The following AUH variants were observed in gnomAD, a reference collection of about 807,000 sequenced individuals.
AUH encodes the protein methylglutaconyl-CoA hydratase, mitochondrial.
A neutral mutation model predicts 42.3 loss-of-function variants in AUH; 29 were observed. The observed-to-expected ratio is 0.69, with a 90% confidence interval of 0.51 to 0.93. The LOEUF (loss-of-function observed/expected upper bound fraction) is 0.93, where lower values mean the gene tolerates loss of function less well. Among genes scored for constraint, AUH ranks in the 40% least tolerant of loss-of-function variants. The probability of loss-of-function intolerance (pLI) is 0.00; values close to 1 mark genes in which losing one functional copy is unlikely to be tolerated. For missense variants in AUH, 452 were observed against 438.1 expected (o/e 1.03, Z -0.28); for synonymous variants, 174 against 166.4 (o/e 1.05, Z -0.35).
At chr9:91,237,454 G>C (rs1828253627) in intron 6 of AUH, among the ~76,000 whole-genome samples, 1 of 152,194 alleles carries the variant, frequency 6.6e-6, no homozygotes, top group Non-Finnish European at 1.5e-5. Flanking sequence ...TCTTTTGCTT[G>C]TGATCTGTAA....
intron 6 of AUH, among the ~76,000 whole-genome samples, chr9:91,283,443 T>C (rs1207486813): frequency 1.3e-5 from 2 of 152,124 alleles, no homozygotes; most frequent in East Asian, 1.9e-4. Flanking sequence ...TTCAACATAG[T>C]GTTGGAAGTT....
intron 1 of AUH, among the ~76,000 whole-genome samples, chr9:91,361,011 C>A (rs1406139110): frequency 6.6e-6 from 1 of 152,206 alleles, no homozygotes; most frequent in Non-Finnish European, 1.5e-5. Flanking sequence ...CTAATGATGT[C>A]TCCTCCCGTA....
At chr9:91,308,056 C>CCA (rs1305894460) in intron 4 of AUH, among the ~76,000 whole-genome samples, 2 of 151,936 alleles carry the variant, frequency 1.3e-5, no homozygotes, top group Non-Finnish European at 2.9e-5. Context: ...TAGAATAAAC[C>CCA]CACACACAGA....
chr9:91,283,846 T>C (rs907722905), intron 6 of AUH, among the ~76,000 whole-genome samples: 3 of 152,140 alleles, frequency 2.0e-5, no homozygotes, highest in Non-Finnish European at 2.9e-5. Flanking sequence ...TCCATGCTCA[T>C]AGATAGGAAG....
chr9:91,217,680 C>G (rs1043126656), intron 7 of AUH, among the ~76,000 whole-genome samples: 3 of 152,118 alleles, frequency 2.0e-5, no homozygotes, highest in African/African-American at 7.2e-5. Context: ...AGTACCACAC[C>G]AATTAGGGGT....
At position 91,262,941 on chromosome 9, in the gene AUH, G is replaced by A. The variant is rs75033566; in HGVS notation, c.655+33080C>T. On this transcript the variant is annotated intron_variant, in intron 6 of 9. Coordinates refer to ENST00000375731, the MANE Select transcript of AUH (RefSeq NM_001698.3). Reference sequence around the variant, plus strand: ...ATCTCACTTACAGGCCACAAAAGTTGCAAGTGGCCATGGCAACAGGTATGT... The same window carrying A: ...ATCTCACTTACAGGCCACAAAAGTTACAAGTGGCCATGGCAACAGGTATGT... 4.8e-3 allele frequency among the ~76,000 whole-genome samples: 726 copies of A among 152,302 alleles called. 6 individuals carry two copies. The highest frequency in any genetic ancestry group is 0.01 in the Middle Eastern group (3 of 294).
chr9:91,248,014 C>T (rs1031338964), intron 6 of AUH, among the ~76,000 whole-genome samples: 3 of 152,148 alleles, frequency 2.0e-5, no homozygotes, highest in Non-Finnish European at 4.4e-5. Context: ...TTCTTAACTT[C>T]AGTAAGTCCA....
chr9:91,268,895 T>C (rs929922196), intron 6 of AUH, among the ~76,000 whole-genome samples: 1 of 152,218 alleles, frequency 6.6e-6, no homozygotes, highest in Admixed American at 6.5e-5. Context: ...ATGTATTTAA[T>C]AGACAAGAAT....
intron 6 of AUH, among the ~76,000 whole-genome samples, chr9:91,233,533 AC>A (rs1828008745): frequency 6.6e-6 from 1 of 152,182 alleles, no homozygotes; most frequent in African/African-American, 2.4e-5. Flanking sequence ...GAGCTTGTCA[AC>A]CTAAATAAAA....
At chr9:91,237,480 GT>G (rs1828255370) in intron 6 of AUH, among the ~76,000 whole-genome samples, 1 of 152,170 alleles carries the variant, frequency 6.6e-6, no homozygotes, top group Non-Finnish European at 1.5e-5. Flanking sequence ...ATTAAAATGA[GT>G]TTCTAGTTTA....
intron 6 of AUH, among the ~76,000 whole-genome samples, chr9:91,275,178 A>C: frequency 6.6e-6 from 1 of 152,208 alleles, no homozygotes; most frequent in South Asian, 2.1e-4. Context: ...CCACTCTTGC[A>C]CTTAAGGATT....
At chr9:91,228,236 T>C (rs1370758594) in intron 6 of AUH, among the ~76,000 whole-genome samples, 1 of 152,220 alleles carries the variant, frequency 6.6e-6, no homozygotes, top group Non-Finnish European at 1.5e-5. Flanking sequence ...TCACATCCTG[T>C]TATTGGTCTA....
At chr9:91,293,065 G>T (rs1827039188) in intron 6 of AUH, among the ~76,000 whole-genome samples, 1 of 152,112 alleles carries the variant, frequency 6.6e-6, no homozygotes, top group Non-Finnish European at 1.5e-5. Flanking sequence ...ACATAGGATG[G>T]CAAACTTAAC....
At chr9:91,227,886 C>G (rs1265430946) in intron 6 of AUH, among the ~76,000 whole-genome samples, 49 of 143,032 alleles carry the variant, frequency 3.4e-4, no homozygotes, top group African/African-American at 5.0e-4. Context: ...ACCAGCCTTG[C>G]ATCCCAGGGA....
intron 6 of AUH, among the ~76,000 whole-genome samples, chr9:91,249,650 T>C (rs1160966921): frequency 6.6e-6 from 1 of 152,192 alleles, no homozygotes; most frequent in African/African-American, 2.4e-5. Context: ...AAGACCATGT[T>C]CAAAAAGGTA....
chr9:91,267,469 C>A lies in AUH; in HGVS notation c.655+28552G>T, dbSNP rs567890337. On this transcript the variant is annotated intron_variant, in intron 6 of 9. Transcript: ENST00000375731. ...GGTGTCTTGCTCTTGTTTAATGGCT[C>A]TAACAGCCGAGTAGGTTAACTCAAG... Among the ~76,000 whole-genome samples, 94 of 152,298 alleles carry A rather than the reference C, an allele frequency of 6.2e-4. 1 individual carries two copies. The highest frequency in any genetic ancestry group is 2.2e-3 in the African/African-American group (90 of 41,580).
chr9:91,221,649 G>A (rs1827144047), intron 6 of AUH, among the ~76,000 whole-genome samples: 1 of 152,156 alleles, frequency 6.6e-6, no homozygotes, highest in Admixed American at 6.5e-5. Context: ...CAGAAGCCAT[G>A]CATTTGGTTT....
chr9:91,295,590 A>C (rs1484140889), intron 6 of AUH, among the ~76,000 whole-genome samples: 1 of 152,248 alleles, frequency 6.6e-6, no homozygotes, highest in Non-Finnish European at 1.5e-5. Flanking sequence ...CCGCCACTCT[A>C]ATCAGTCAGC....
chr9:91,323,049 G>A (rs1179033525), intron 4 of AUH, among the ~76,000 whole-genome samples: 1 of 152,100 alleles, frequency 6.6e-6, no homozygotes, highest in Non-Finnish European at 1.5e-5. Context: ...AGAACTGCCT[G>A]AATATCATAA....
Sources: allele counts gnomAD v4.1 joint callset (sites outside exome capture counted in the v4.1 genomes callset), GRCh38; gene constraint gnomAD v4.1.1; transcripts MANE v1.5; gene names NCBI Gene and HGNC (gene_info 2026-07-23, HGNC 2026-07-21).